SPMIP11: variants seen among roughly 807,000 people sequenced by gnomAD.
The protein encoded by SPMIP11 is sperm microtubule inner protein 11, also known as long intergenic non-protein coding RNA 935.
chr12:48,768,826 A>T, the SPMIP11 span: 3 of 1,552,784 alleles, frequency 1.9e-6, no homozygotes, highest in African/African-American at 1.4e-5. Context: ...TCCCTGCCCC[A>T]CCATACACAG....
chr12:48,727,500 A>T, the SPMIP11 span: 2 of 702,894 alleles, frequency 2.8e-6, no homozygotes, highest in Non-Finnish European at 5.2e-6. Context: ...TTCAACTTGT[A>T]TCTATTGGGA....
chr12:48,771,280 C>A, the SPMIP11 span: 5 of 487,910 alleles, frequency 1.0e-5, no homozygotes, highest in East Asian at 1.5e-4. The surrounding 1 kb of genome is among the most constrained non-coding windows in gnomAD (Gnocchi z 4.3). Context: ...CCAGAGTGAG[C>A]AAGTGACTTC....
At chr12:48,728,588 G>A in the SPMIP11 span, among the ~76,000 whole-genome samples, 2 of 151,844 alleles carry the variant, frequency 1.3e-5, no homozygotes, top group East Asian at 1.9e-4. Context: ...GGCGCCTGTA[G>A]TCCCAGCTAC....
chr12:48,757,562 C>T, the SPMIP11 span, among the ~76,000 whole-genome samples: 4 of 151,680 alleles, frequency 2.6e-5, no homozygotes, highest in Non-Finnish European at 5.9e-5. Context: ...AGAAGAATCG[C>T]TTGAACCCAG....
the SPMIP11 span, among the ~76,000 whole-genome samples, chr12:48,744,111 G>A: frequency 4.6e-5 from 7 of 151,654 alleles, no homozygotes; most frequent in African/African-American, 1.5e-4. Flanking sequence ...AGCCGGGCAT[G>A]GTGGAGCATG....
the SPMIP11 span, among the ~76,000 whole-genome samples, chr12:48,744,828 A>C: frequency 1.3e-5 from 2 of 151,850 alleles, no homozygotes; most frequent in African/African-American, 2.4e-5. Context: ...AAGAAGAAGA[A>C]AGAAGAAGAA....
the SPMIP11 span, among the ~76,000 whole-genome samples, chr12:48,755,841 A>G: frequency 1.3e-5 from 2 of 150,554 alleles, no homozygotes; most frequent in African/African-American, 2.4e-5. Context: ...ACTGGCCACT[A>G]GGAATATGCT....
the SPMIP11 span, among the ~76,000 whole-genome samples, chr12:48,756,320 G>A: frequency 3.9e-5 from 6 of 152,242 alleles, no homozygotes; most frequent in East Asian, 1.2e-3. Flanking sequence ...TCAGCCCCAT[G>A]GTTCAGTCCA....
chr12:48,767,131 GC>G, the SPMIP11 span: 2 of 152,626 alleles, frequency 1.3e-5, no homozygotes, highest in Non-Finnish European at 2.9e-5. Flanking sequence ...TGCTACCCCA[GC>G]CCCAAAGCAT....
At chr12:48,742,277 C>CTTTTTTTT in the SPMIP11 span, among the ~76,000 whole-genome samples, 78 of 87,214 alleles carry the variant, frequency 8.9e-4, 2 homozygotes, top group East Asian at 2.3e-3. Context: ...CTTTTCTTTT[C>CTTTTTTTT]CTTTTTTTTT....
the SPMIP11 span, among the ~76,000 whole-genome samples, chr12:48,728,846 C>T: frequency 1.3e-5 from 2 of 151,908 alleles, no homozygotes; most frequent in African/African-American, 4.8e-5. Context: ...GGGAGGCAGA[C>T]GTTGAAAACT....
the SPMIP11 span, among the ~76,000 whole-genome samples, chr12:48,739,776 C>T: frequency 6.6e-6 from 1 of 152,144 alleles, no homozygotes. Flanking sequence ...GATCTAATCA[C>T]CTTCCACCAG....
chr12:48,747,856 A>G, the SPMIP11 span, among the ~76,000 whole-genome samples: 7 of 152,200 alleles, frequency 4.6e-5, no homozygotes, highest in East Asian at 5.8e-4. Flanking sequence ...AGTTCATTAT[A>G]AGGCCATGAA....
At chr12:48,756,282 G>A in the SPMIP11 span, among the ~76,000 whole-genome samples, 156 of 152,126 alleles carry the variant, frequency 1.0e-3, no homozygotes, top group African/African-American at 3.6e-3. Flanking sequence ...AAATGGCCTC[G>A]TTGCTATAAC....
chr12:48,749,152 C>T, the SPMIP11 span, among the ~76,000 whole-genome samples: 1 of 151,602 alleles, frequency 6.6e-6, no homozygotes, highest in African/African-American at 2.4e-5. Context: ...GTCCTAGCTA[C>T]TTGGGAGGCT....
chr12:48,754,421 G>A, the SPMIP11 span, among the ~76,000 whole-genome samples: 2 of 151,994 alleles, frequency 1.3e-5, no homozygotes, highest in African/African-American at 4.8e-5. Flanking sequence ...CAAAGTACTG[G>A]GATTACAGGC....
At chr12:48,750,017 G>A in the SPMIP11 span, among the ~76,000 whole-genome samples, 1 of 150,832 alleles carries the variant, frequency 6.6e-6, no homozygotes, top group South Asian at 2.1e-4. Context: ...ATTCTCTCTT[G>A]AGCCCACACC....
chr12:48,733,072 C>CTTTT, the SPMIP11 span, among the ~76,000 whole-genome samples: 240 of 110,802 alleles, frequency 2.2e-3, 10 homozygotes, highest in South Asian at 8.7e-3. Context: ...ACAAGTTAAT[C>CTTTT]TTTTTTTTTT....
the SPMIP11 span, among the ~76,000 whole-genome samples, chr12:48,763,868 G>A: frequency 6.6e-6 from 1 of 151,700 alleles, no homozygotes. Flanking sequence ...TAGTAGAGAT[G>A]GGTTTCACCA....
Sources: allele counts gnomAD v4.1 joint callset (sites outside exome capture counted in the v4.1 genomes callset), GRCh38; gene constraint gnomAD v4.1.1; non-coding constraint Gnocchi (gnomAD v3.1); transcripts MANE v1.5; gene names NCBI Gene and HGNC (gene_info 2026-07-23, HGNC 2026-07-21).